TENM2: variants seen among roughly 807,000 people sequenced by gnomAD.
TENM2 encodes teneurin transmembrane protein 2.
In TENM2, 52 loss-of-function variants were observed where a neutral mutation model predicts 245.2. The observed-to-expected ratio is 0.21, with a 90% CI of 0.17 to 0.27. The LOEUF is 0.27. Among genes scored for constraint, TENM2 ranks in the 10% least tolerant of loss-of-function variants. The pLI is 1.00. For missense variants in TENM2, 3,046 were observed against 3,666.8 expected (o/e 0.83, Z 4.37); for synonymous variants, 1,363 against 1,438.9 (o/e 0.95, Z 1.19).
intron 1 of TENM2, among the ~76,000 whole-genome samples, chr5:167,353,025 A>T (rs1252297502): frequency 6.6e-6 from 1 of 152,066 alleles, no homozygotes; most frequent in Non-Finnish European, 1.5e-5. Context: ...GCGGCGCATA[A>T]CGACTCCTCG....
intron 25 of TENM2, among the ~76,000 whole-genome samples, chr5:168,239,018 A>G (rs879262631): frequency 2.0e-5 from 3 of 152,178 alleles, no homozygotes; most frequent in Admixed American, 6.5e-5. Flanking sequence ...GTTCTCCAGG[A>G]AGCCTCAAGG....
chr5:167,459,701 C>T (rs1047930912), intron 2 of TENM2, among the ~76,000 whole-genome samples: 4 of 152,168 alleles, frequency 2.6e-5, no homozygotes, highest in African/African-American at 9.6e-5. Context: ...TTAAAATTTT[C>T]TTTAAAGTAG....
At chr5:167,757,038 CTTT>C (rs1188956516) in intron 2 of TENM2, among the ~76,000 whole-genome samples, 4 of 149,198 alleles carry the variant, frequency 2.7e-5, no homozygotes, top group East Asian at 2.0e-4. Context: ...TTTCTTTTTT[CTTT>C]TTTTATTATA....
chr5:167,012,802 A>G, the TENM2 span, among the ~76,000 whole-genome samples: 1 of 152,146 alleles, frequency 6.6e-6, no homozygotes, highest in African/African-American at 2.4e-5. Flanking sequence ...CCTTTTACCA[A>G]GCATATACCA....
At chr5:167,854,388 AT>A (rs1770879006) in intron 2 of TENM2, among the ~76,000 whole-genome samples, 2 of 152,234 alleles carry the variant, frequency 1.3e-5, no homozygotes, top group Non-Finnish European at 2.9e-5. Context: ...ATCCCTGTAT[AT>A]GTTGAGCACT....
intron 5 of TENM2, among the ~76,000 whole-genome samples, chr5:168,029,346 C>T (rs766695324): frequency 6.6e-6 from 1 of 152,072 alleles, no homozygotes; most frequent in Non-Finnish European, 1.5e-5. Context: ...CCTTCATAGC[C>T]TTCAAAACAA....
the TENM2 span, among the ~76,000 whole-genome samples, chr5:167,227,520 C>A: frequency 6.6e-6 from 1 of 152,072 alleles, no homozygotes; most frequent in South Asian, 2.1e-4. Context: ...ATGAGGGATA[C>A]TTTTGCTGGA....
chr5:167,797,030 A>G (rs1765374522), intron 2 of TENM2, among the ~76,000 whole-genome samples: 1 of 152,058 alleles, frequency 6.6e-6, no homozygotes, highest in African/African-American at 2.4e-5. Flanking sequence ...AGTTTGTTAC[A>G]ATCCCCTCTT....
At chr5:167,190,571 G>T in the TENM2 span, among the ~76,000 whole-genome samples, 52 of 152,144 alleles carry the variant, frequency 3.4e-4, no homozygotes, top group African/African-American at 1.2e-3. Flanking sequence ...TGTAAAACGG[G>T]TGTCTAATAA....
chr5:167,453,512 A>G (rs868241484), intron 2 of TENM2, among the ~76,000 whole-genome samples: 1 of 152,222 alleles, frequency 6.6e-6, no homozygotes, highest in Non-Finnish European at 1.5e-5. Flanking sequence ...GAATGATTGT[A>G]TCATCCACTG....
chr5:167,701,244 GT>G (rs970200215), intron 2 of TENM2, among the ~76,000 whole-genome samples: 7 of 152,082 alleles, frequency 4.6e-5, no homozygotes, highest in Non-Finnish European at 1.0e-4. Flanking sequence ...CAGGATGTGG[GT>G]TTTTTGCATA....
chr5:168,262,541 G>A (rs754345348), exon 29 of TENM2: 16 of 1,557,086 alleles, frequency 1.0e-5, no homozygotes, highest in South Asian at 2.4e-5. Context: ...CCTCACCCCC[G>A]ACACCCTGGA....
rs546862170 is a variant in TENM2, at chr5:168,082,819, G to A, written c.1516-7755G>A. 1.1e-4 allele frequency among the ~76,000 whole-genome samples: 16 copies of A among 152,122 alleles called. 1 individual carries two copies. In the South Asian group the frequency reaches 1.2e-3, roughly 12 times the overall value. ...GCCTGATCCTTCCTCTGGAAGCTTCGTCTCAGATGGGCATCTGGCTGTATG... is the reference window on the plus strand; with the variant it reads ...GCCTGATCCTTCCTCTGGAAGCTTCATCTCAGATGGGCATCTGGCTGTATG... On this transcript the variant is annotated intron_variant, in intron 7 of 28. Transcript: ENST00000518659.
At chr5:167,835,231 G>A (rs555817770) in intron 2 of TENM2, among the ~76,000 whole-genome samples, 2 of 152,180 alleles carry the variant, frequency 1.3e-5, no homozygotes, top group East Asian at 1.9e-4. Flanking sequence ...GTTGCTGAAC[G>A]GTGTGATTCA....
chr5:167,240,149 A>G, the TENM2 span, among the ~76,000 whole-genome samples: 2 of 152,114 alleles, frequency 1.3e-5, no homozygotes, highest in Non-Finnish European at 2.9e-5. Context: ...GTATTTTCTG[A>G]TACTGGGGCT....
At chr5:167,884,220 A>G (rs1413196744) in intron 3 of TENM2, among the ~76,000 whole-genome samples, 1 of 152,226 alleles carries the variant, frequency 6.6e-6, no homozygotes, top group African/African-American at 2.4e-5. Flanking sequence ...CTTGTTTCCT[A>G]ATTTAACAAA....
At chr5:167,481,092 A>G (rs1767730929) in intron 2 of TENM2, among the ~76,000 whole-genome samples, 1 of 152,204 alleles carries the variant, frequency 6.6e-6, no homozygotes, top group African/African-American at 2.4e-5. Flanking sequence ...TTCTTCACCC[A>G]TAAAAGAATC....
At chr5:167,706,086 A>G (rs1220827607) in intron 2 of TENM2, among the ~76,000 whole-genome samples, 1 of 145,434 alleles carries the variant, frequency 6.9e-6, no homozygotes, top group Admixed American at 7.0e-5. Context: ...CAGTGTGTGT[A>G]TATATATAAT....
intron 12 of TENM2, among the ~76,000 whole-genome samples, chr5:168,144,867 C>A (rs1164855082): frequency 6.6e-6 from 1 of 150,560 alleles, no homozygotes; most frequent in Non-Finnish European, 1.5e-5. Flanking sequence ...TTAATGATTG[C>A]CATTCTAACT....
Sources: gnomAD v4.1 joint callset for allele counts (sites outside exome capture counted in the v4.1 genomes callset) on GRCh38, gnomAD v4.1.1 for gene constraint, MANE v1.5 for transcripts, NCBI Gene and HGNC (gene_info 2026-07-23, HGNC 2026-07-21) for gene names.